Variants in SHLD2 observed in about 807,000 individuals in gnomAD.
The protein encoded by SHLD2 is RINN1-REV7-interacting novel NHEJ regulator 2.
SHLD2 carries 30 observed loss-of-function variants against 73.2 expected under a neutral mutation model. The ratio of observed to expected loss-of-function variants is 0.41; its 90% CI spans 0.31 to 0.56. The LOEUF is 0.56. SHLD2 is among the 20% of genes least tolerant of loss of function. SHLD2 has a pLI of 0.28. For missense variants in SHLD2, 745 were observed against 1,055.9 expected, an observed-to-expected ratio of 0.71 and a Z score of 4.08; for synonymous variants, 285 against 370.1, an observed-to-expected ratio of 0.77 and a Z score of 2.64.
chr10:87,190,246 A>T lies in SHLD2; in HGVS notation c.2516-238A>T, dbSNP rs528359673. On this transcript the variant is annotated intron_variant, in intron 9 of 9. Transcript: ENST00000298786. Reference sequence around the variant, plus strand: ...GCTAATTTTTGTATTTTTAGTAGAGACAGGGTTTTACTGTGTTGGCCAGGC... The same window carrying T: ...GCTAATTTTTGTATTTTTAGTAGAGTCAGGGTTTTACTGTGTTGGCCAGGC... Among the ~76,000 whole-genome samples, 7 of 152,240 alleles carry T rather than the reference A, an allele frequency of 4.6e-5. No individual in the cohort carries two copies. The East Asian group carries it at 1.4e-3, about 29-fold the overall frequency.
At chr10:87,185,533 A>G (rs1414754175) in intron 8 of SHLD2, among the ~76,000 whole-genome samples, 56 of 152,192 alleles carry the variant, frequency 3.7e-4, no homozygotes, top group Non-Finnish European at 1.9e-4. Flanking sequence ...CATTCTCATC[A>G]GCAATATGAG....
chr10:87,183,633 CT>C (rs1312790722), intron 8 of SHLD2, among the ~76,000 whole-genome samples: 1 of 152,204 alleles, frequency 6.6e-6, no homozygotes, highest in Non-Finnish European at 1.5e-5. Context: ...TCTCTCTCCC[CT>C]ATTATGTCTT....
intron 7 of SHLD2, 85 bp downstream of exon 7, chr10:87,176,180 G>C: frequency 6.6e-7 from 1 of 1,515,232 alleles, no homozygotes; most frequent in Non-Finnish European, 8.9e-7. Flanking sequence ...GGAATACAGT[G>C]GTGTGAACAC....
intron 2 of SHLD2, among the ~76,000 whole-genome samples, chr10:87,131,840 A>G (rs1844450182): frequency 6.6e-6 from 1 of 152,216 alleles, no homozygotes; most frequent in African/African-American, 2.4e-5. Flanking sequence ...TTAGCAATAC[A>G]CAAGTGTCCC....
In SHLD2 at chr10:87,170,684, G is replaced by T. The variant is rs1389204680; in HGVS notation, c.1828+12G>T. On this transcript the variant is annotated intron_variant, in intron 5 of 9. Transcript: ENST00000298786. ...CACTATACTGACAGGTAAATATTTT[G>T]ACTGCCTCCTTAATTTTAGATTATG... 5 of 1,596,894 alleles carry T rather than the reference G, an allele frequency of 3.1e-6. No homozygotes were observed. Among genetic ancestry groups the T allele is most frequent in the South Asian group, 1.1e-5 (1 of 88,080 alleles).
At chr10:87,175,687 AAAT>A (rs373848347) in intron 6 of SHLD2, among the ~76,000 whole-genome samples, 199 bp from the exon 7 acceptor site, 5 of 151,674 alleles carry the variant, frequency 3.3e-5, no homozygotes, top group South Asian at 2.1e-4. Flanking sequence ...CTGTCTTGGA[AAAT>A]AATAATAATA....
chr10:87,112,237 CAAA>C (rs55667104), intron 2 of SHLD2, among the ~76,000 whole-genome samples: 7 of 109,522 alleles, frequency 6.4e-5, no homozygotes, highest in African/African-American at 9.8e-5. Context: ...GACTCCGTCT[CAAA>C]AAAAAAAAAA....
At chr10:87,144,644 T>TTTTTA (rs58888006) in intron 2 of SHLD2, among the ~76,000 whole-genome samples, 1 of 114,270 alleles carries the variant, frequency 8.8e-6, no homozygotes, top group Non-Finnish European at 1.8e-5. Context: ...TTTTTTTTTT[T>TTTTTA]GAGATGGTGT....
At chr10:87,097,498 T>G (rs887755415) in intron 2 of SHLD2, among the ~76,000 whole-genome samples, 1 of 151,982 alleles carries the variant, frequency 6.6e-6, no homozygotes, top group Non-Finnish European at 1.5e-5. Context: ...TTCCAGCTAC[T>G]TGGGAGAACC....
chr10:87,189,737 G>A (rs1848910684), intron 9 of SHLD2, among the ~76,000 whole-genome samples: 1 of 152,100 alleles, frequency 6.6e-6, no homozygotes, highest in Admixed American at 6.5e-5. Flanking sequence ...AAAGTGAGGG[G>A]AAGAGTGTAG....
chr10:87,134,159 A>G (rs1844629196), intron 2 of SHLD2, among the ~76,000 whole-genome samples: 1 of 152,240 alleles, frequency 6.6e-6, no homozygotes, highest in Admixed American at 6.5e-5. Flanking sequence ...GTCTGGGGAA[A>G]GAATTCAGCT....
chr10:87,130,422 C>G (rs1218905272), intron 2 of SHLD2, among the ~76,000 whole-genome samples: 4 of 151,008 alleles, frequency 2.6e-5, no homozygotes, highest in Non-Finnish European at 4.4e-5. Flanking sequence ...TTTCATTAAG[C>G]CTCCCCCGCA....
chr10:87,168,029 C>A (rs7095876), intron 4 of SHLD2, among the ~76,000 whole-genome samples: 1 of 152,244 alleles, frequency 6.6e-6, no homozygotes, highest in African/African-American at 2.4e-5. Flanking sequence ...ACTGTTGGTG[C>A]GAATGTAAAT....
At chr10:87,177,655 T>C (rs538602255) in intron 7 of SHLD2, among the ~76,000 whole-genome samples, 1 of 152,164 alleles carries the variant, frequency 6.6e-6, no homozygotes, top group African/African-American at 2.4e-5. Flanking sequence ...ATTTTATAGT[T>C]AAACAAAAGG....
chr10:87,107,541 C>CA (rs1339414011), intron 2 of SHLD2, among the ~76,000 whole-genome samples: 2 of 152,180 alleles, frequency 1.3e-5, no homozygotes, highest in Admixed American at 6.6e-5. Flanking sequence ...AAATTAAAGG[C>CA]TGAGTTGAAG....
At chr10:87,161,630 A>G (rs529408712) in intron 4 of SHLD2, among the ~76,000 whole-genome samples, 5 of 152,214 alleles carry the variant, frequency 3.3e-5, no homozygotes, top group Admixed American at 6.5e-5. Context: ...AGACATGAAG[A>G]AATGGAAAGA....
intron 1 of SHLD2, among the ~76,000 whole-genome samples, chr10:87,096,248 CT>C (rs1841873517): frequency 6.6e-6 from 1 of 151,952 alleles, no homozygotes; most frequent in African/African-American, 2.4e-5. Context: ...TTTCGCTGTG[CT>C]GGCCAGGCTG....
intron 2 of SHLD2, among the ~76,000 whole-genome samples, chr10:87,119,018 C>T (rs1265227313): frequency 1.3e-5 from 2 of 151,266 alleles, no homozygotes; most frequent in African/African-American, 2.4e-5. Context: ...GGAAAGTTCT[C>T]AATGTTAATT....
chr10:87,157,036 G>C (rs9664278), intron 3 of SHLD2, among the ~76,000 whole-genome samples: 4 of 152,174 alleles, frequency 2.6e-5, no homozygotes, highest in Non-Finnish European at 5.9e-5. Context: ...GGTAGGTGGG[G>C]GCTGGTGGCA....
Sources: allele counts gnomAD v4.1 joint callset (sites outside exome capture counted in the v4.1 genomes callset), GRCh38; gene constraint gnomAD v4.1.1; transcripts MANE v1.5; gene names NCBI Gene and HGNC (gene_info 2026-07-23, HGNC 2026-07-21).